The following PNKD variants were observed in gnomAD, a reference collection of about 807,000 sequenced individuals.
PNKD encodes the protein PNKD metallo-beta-lactamase domain containing, also known as probable thioesterase PNKD.
A neutral mutation model predicts 45.3 loss-of-function variants in PNKD; 36 were observed. The observed-to-expected ratio is 0.80, with a 90% CI of 0.61 to 1.05. The LOEUF (loss-of-function observed/expected upper bound fraction) is 1.05. Ranked by LOEUF, PNKD falls within the 50% of genes least tolerant of loss-of-function variation. The pLI is 0.00. For synonymous variants in PNKD, 197 were observed against 210.1 expected, an observed-to-expected ratio of 0.94 and a Z score of 0.54; for missense variants, 511 against 506.6, an observed-to-expected ratio of 1.01 and a Z score of -0.08.
At chr2:218,319,139 G>C (rs1693906227) in intron 2 of PNKD, among the ~76,000 whole-genome samples, 1 of 151,092 alleles carries the variant, frequency 6.6e-6, no homozygotes, top group Non-Finnish European at 1.5e-5. Context: ...ATTTTTAGTA[G>C]AGACGGGGTT....
At position 218,346,460 on chromosome 2, in the gene PNKD, C is replaced by G. The variant is rs1694828616; in HGVS notation, c.*1479C>G. 1 of 154,004 alleles carries G rather than the reference C, an allele frequency of 6.5e-6. No individual in the cohort carries two copies. 9.5% of individuals were successfully genotyped at this position (154,004 alleles called of 1,614,324 possible). A position where few individuals can be genotyped will look rare whatever the true frequency, so the allele number is the denominator to read the frequency against. On this transcript the variant is annotated 3_prime_UTR_variant, in exon 10 of 10. Coordinates refer to ENST00000273077, the MANE Select transcript of PNKD (RefSeq NM_015488.5). ...TCATGCCTCTGTGCCTTCGCTCATG[C>G]TGTTTCTTCCGACTGGAATGCCTTC...
rs780445792 is a variant in PNKD, at chr2:218,280,056, G to A, written c.236+8507G>A. On this transcript the variant is annotated intron_variant, in intron 2 of 9. Coordinates refer to ENST00000273077, the MANE Select transcript of PNKD (RefSeq NM_015488.5). ...GGATAAAAGTGTGTCGCACTTTCCG[G>A]TCATCCCACTCTCCAGGCCCGAAGC... The A allele has an allele frequency of 3.1e-6, 5 of 1,614,122 alleles. No individual in the cohort carries two copies. The East Asian group carries it at 1.1e-4, about 36-fold the overall frequency.
rs776935033 is a variant in PNKD, at chr2:218,272,536, T to TCCCCAAAC, written c.236+991_236+998dup. On this transcript the variant is annotated intron_variant, in intron 2 of 9. Transcript: ENST00000273077. Reference sequence around the variant, plus strand: ...GCTCCTCTGGCTCAGGCTTGGCCCCTCCCCAAACCCCGTGCACATCTCCCC... The same window carrying TCCCCAAAC: ...GCTCCTCTGGCTCAGGCTTGGCCCCTCCCCAAACCCCCAAACCCCGTGCACATCTCCCC... The TCCCCAAAC allele has an allele frequency of 5.3e-5, 86 of 1,611,238 alleles. No individual in the cohort carries two copies. The Middle Eastern group carries it at 1.8e-3, about 34-fold the overall frequency.
intron 2 of PNKD, among the ~76,000 whole-genome samples, chr2:218,296,457 G>A (rs932886013): frequency 6.6e-6 from 1 of 152,152 alleles, no homozygotes; most frequent in Non-Finnish European, 1.5e-5. Flanking sequence ...GGGCCCAGGT[G>A]GAACCTGAAG....
At chr2:218,272,983 G>A (rs1018165415) in intron 2 of PNKD, 22 of 1,374,764 alleles carry the variant, frequency 1.6e-5, no homozygotes, top group African/African-American at 1.5e-4. Flanking sequence ...GGGATGGGAG[G>A]GGCAGAGGGT....
chr2:218,333,947 T>G (rs1310705541), intron 2 of PNKD, among the ~76,000 whole-genome samples: 1 of 79,788 alleles, frequency 1.3e-5, no homozygotes. Context: ...AAACCCTGTC[T>G]CTACTAAAAA....
intron 2 of PNKD, among the ~76,000 whole-genome samples, chr2:218,302,939 CGTTT>C (rs139448137): frequency 2.0e-5 from 3 of 151,530 alleles, no homozygotes; most frequent in African/African-American, 4.9e-5. Flanking sequence ...TCTGTTTGTT[CGTTT>C]GTTTGTTTGT....
intron 2 of PNKD, among the ~76,000 whole-genome samples, chr2:218,336,772 C>T (rs565344380): frequency 5.0e-4 from 75 of 148,574 alleles, no homozygotes; most frequent in Non-Finnish European, 7.9e-4. Flanking sequence ...TGAGTCACCA[C>T]ACCTGGCCTT....
chr2:218,307,728 T>G (rs763577349), intron 2 of PNKD, among the ~76,000 whole-genome samples: 25 of 152,038 alleles, frequency 1.6e-4, no homozygotes, highest in South Asian at 4.1e-4. Flanking sequence ...CATTTCTCCT[T>G]TGAAGTAATG....
At position 218,343,517 on chromosome 2, in the gene PNKD, AATGCAGAGACC is replaced by A; in HGVS notation, c.804_814del (p.Thr270LeufsTer11). On this transcript the variant is annotated frameshift_variant, in exon 8 of 10. Transcript: ENST00000273077. LOFTEE classifies it high-confidence loss of function. ...CCACCCAGGGCGGACCTTTGAGGGC[AATGCAGAGACC>A]ATGCTGAGCTCACTGGACACTGTGC... is the stretch of plus-strand genomic sequence containing the variant. 1 of 1,613,694 alleles carries A rather than the reference AATGCAGAGACC, an allele frequency of 6.2e-7. No homozygotes were observed. The highest frequency in any genetic ancestry group is 8.5e-7 in the Non-Finnish European group (1 of 1,179,818).
At chr2:218,280,146 G>A (rs1029873028) in intron 2 of PNKD, 8 of 1,578,608 alleles carry the variant, frequency 5.1e-6, no homozygotes, top group East Asian at 2.2e-5. Flanking sequence ...GATGACACTT[G>A]ACTCAGCTGG....
intron 2 of PNKD, among the ~76,000 whole-genome samples, chr2:218,298,978 T>G (rs1208729735): frequency 6.6e-6 from 1 of 152,052 alleles, no homozygotes; most frequent in Non-Finnish European, 1.5e-5. Flanking sequence ...CTGCACCCCC[T>G]CCATAATCTC....
rs1341663022 is a variant in PNKD at position 218,341,596 on chromosome 2, G to C, written c.587G>C (p.Ser196Thr). Residue 196 changes from serine (S) to threonine (T), a missense_variant, in exon 6 of 10, where the codon AGC (serine) becomes ACC (threonine). Physicochemically the swap from Ser to Thr is moderately conservative, Grantham distance 58. Transcript: ENST00000273077. ...CACCGGGACTGTCGGGTGTACGGGA[G>C]CCCTCAGGACGGCATCCCCTACCTC... ...RRHRDCRVYG[S>T]PQDGIPYLTH... 2 of 1,592,006 alleles carry C rather than the reference G, an allele frequency of 1.3e-6. No individual in the cohort carries two copies. The highest frequency in any genetic ancestry group is 1.7e-6 in the Non-Finnish European group (2 of 1,169,350).
chr2:218,313,108 A>AT (rs1693665476), intron 2 of PNKD, among the ~76,000 whole-genome samples: 1 of 117,376 alleles, frequency 8.5e-6, no homozygotes, highest in African/African-American at 2.5e-5. Flanking sequence ...ATCTTTATAC[A>AT]ATTTTTTTTT....
Position 218,344,958 on chromosome 2 carries a change from A to C in PNKD, c.1135A>C (p.Lys379Gln). The change falls in exon 10 of 10, where the codon AAG (lysine) becomes CAG (glutamine). Residue 379 changes from lysine (K) to glutamine (Q), a missense_variant. Physicochemically the swap from Lys to Gln is moderately conservative, Grantham distance 53. Coordinates refer to ENST00000273077, the MANE Select transcript of PNKD (RefSeq NM_015488.5). ...AQLLEELRRL[K>Q]DMHKSK is the part of the protein sequence containing the mutation. The stretch of plus-strand genomic sequence containing the variant: ...GCTCCTGGAAGAGCTCCGCCGGCTG[A>C]AGGATATGCACAAGAGCAAGTGATG... The C allele has an allele frequency of 6.2e-7, 1 of 1,613,798 alleles. No individual in the cohort carries two copies. Among genetic ancestry groups the C allele is most frequent in the Non-Finnish European group, 8.5e-7 (1 of 1,179,914 alleles).
intron 2 of PNKD, among the ~76,000 whole-genome samples, chr2:218,329,996 T>G (rs1464463022): frequency 7.5e-6 from 1 of 134,080 alleles, no homozygotes; most frequent in Non-Finnish European, 1.6e-5. Flanking sequence ...CCTGAGGACA[T>G]GAAGGGAGAA....
intron 2 of PNKD, among the ~76,000 whole-genome samples, chr2:218,296,206 T>A (rs888638761): frequency 1.2e-4 from 18 of 152,208 alleles, no homozygotes; most frequent in African/African-American, 3.9e-4. Flanking sequence ...TGGAAATACT[T>A]GTACTAAAAA....
chr2:218,340,817 C>G lies in PNKD; in HGVS notation c.524+31C>G, dbSNP rs2106294099. On this transcript the variant is annotated intron_variant, in intron 5 of 9. Coordinates refer to ENST00000273077, the MANE Select transcript of PNKD (RefSeq NM_015488.5). The surrounding 1 kb of genome is among the most constrained non-coding windows in gnomAD (Gnocchi z 4.2). ...GGGCTCCCGTCTTCCCTGGCCCACC[C>G]TTGTCCCAGCTGGGCTTGCCAGGAC... 1 of 1,588,450 alleles carries G rather than the reference C, an allele frequency of 6.3e-7. No individual in the cohort carries two copies. The highest frequency in any genetic ancestry group is 1.7e-5 in the Admixed American group (1 of 59,996).
intron 2 of PNKD, among the ~76,000 whole-genome samples, chr2:218,316,300 C>T (rs1241323558): frequency 1.6e-5 from 2 of 122,498 alleles, no homozygotes; most frequent in Admixed American, 1.0e-4. Flanking sequence ...GACAGAGTCT[C>T]ACTCTGTCAC....
Sources: gnomAD v4.1 joint callset for allele counts (sites outside exome capture counted in the v4.1 genomes callset) on GRCh38, gnomAD v4.1.1 for gene constraint, Gnocchi (gnomAD v3.1) non-coding constraint, MANE v1.5 for transcripts, NCBI Gene and HGNC (gene_info 2026-07-23, HGNC 2026-07-21) for gene names.